The following PHC2 variants were observed in gnomAD, a reference collection of about 807,000 sequenced individuals.
PHC2 encodes the protein polyhomeotic homolog 2.
A neutral mutation model predicts 87.4 loss-of-function variants in PHC2; 29 were observed. The ratio of observed to expected loss-of-function variants is 0.33; its 90% CI spans 0.25 to 0.45. The LOEUF (loss-of-function observed/expected upper bound fraction) is 0.45. PHC2 is among the 20% of genes least tolerant of loss of function. PHC2 has a pLI of 1.00. For missense variants in PHC2, 857 were observed against 1,136.7 expected (o/e 0.75, Z 3.54); for synonymous variants, 438 against 461.7 (o/e 0.95, Z 0.66).
intron 7 of PHC2, chr1:33,358,851 G>A (rs1391226567): frequency 1.3e-5 from 2 of 152,154 alleles, no homozygotes; most frequent in African/African-American, 4.8e-5. Context: ...CCATTCTCTG[G>A]TCTTTACAGC....
intron 1 of PHC2, among the ~76,000 whole-genome samples, chr1:33,392,366 C>G (rs1435088196): frequency 6.6e-6 from 1 of 152,006 alleles, no homozygotes; most frequent in African/African-American, 2.4e-5. Flanking sequence ...CTTTTTTTTT[C>G]TGTTATGCCT....
chr1:33,424,120 A>C (rs1650572630), intron 1 of PHC2, among the ~76,000 whole-genome samples: 2 of 147,896 alleles, frequency 1.4e-5, no homozygotes, highest in South Asian at 2.1e-4. Flanking sequence ...AACAAAAAAA[A>C]CAAAAAACAA....
In PHC2 at chr1:33,369,500, C is replaced by T. The variant is rs970675098; in HGVS notation, c.577-878G>A. Among the ~76,000 whole-genome samples the T allele has an allele frequency of 4.6e-5, 7 of 152,178 alleles. No homozygotes were observed. The highest frequency in any genetic ancestry group is 4.6e-4 in the Admixed American group (7 of 15,284). On this transcript the variant is annotated intron_variant, in intron 5 of 14. Coordinates refer to ENST00000683057, the MANE Select transcript of PHC2 (RefSeq NM_001385109.1). This position sits in a 1 kb window ranked among gnomAD's most constrained non-coding sequence, Gnocchi z 4.7. ...GCATCACAGTGTGGCTGTCCAGTTC[C>T]CGAGGAGATGGAAGTCTATTTCATG... is the stretch of plus-strand genomic sequence containing the variant.
intron 1 of PHC2, among the ~76,000 whole-genome samples, chr1:33,413,729 T>C (rs1271835310): frequency 2.0e-5 from 3 of 152,362 alleles, no homozygotes; most frequent in Non-Finnish European, 2.9e-5. Flanking sequence ...TCAGTAAAAC[T>C]GGCCTATATA....
chr1:33,422,246 C>A (rs1019994172), intron 1 of PHC2, among the ~76,000 whole-genome samples: 3 of 149,120 alleles, frequency 2.0e-5, no homozygotes, highest in Non-Finnish European at 4.4e-5. Flanking sequence ...AAGTACAATA[C>A]CATAATTAAT....
chr1:33,348,433 A>C (rs559608187), intron 9 of PHC2, among the ~76,000 whole-genome samples: 1 of 152,358 alleles, frequency 6.6e-6, no homozygotes, highest in South Asian at 2.1e-4. Flanking sequence ...GGTGAATGAT[A>C]ATTGGATTAC....
rs779004256 is a variant in PHC2 at position 33,370,553 on chromosome 1, C to G, written c.444G>C (p.Gln148His). 1.9e-6 allele frequency: 3 copies of G among 1,613,678 alleles called. 1 individual carries two copies. The South Asian group carries it at 3.3e-5, about 18-fold the overall frequency. Residue 148 changes from glutamine (Q) to histidine (H), a missense_variant, in exon 5 of 15, where the codon CAG (glutamine) becomes CAC (histidine). Transcript: ENST00000683057. ...INLAASPAAA[Q>H]LLNRAQSVNS... Reference sequence around the variant, plus strand: ...TCACACTCTGGGCCCGGTTGAGGAGCTGGGCTGCTGCTGGGGAGGCTGCCA... The same window carrying G: ...TCACACTCTGGGCCCGGTTGAGGAGGTGGGCTGCTGCTGGGGAGGCTGCCA...
rs1272109716 is a variant in PHC2 at position 33,364,518 on chromosome 1, G to C, written c.976+2598C>G. ...GAGGCCAGAAGTCACCTCTGCCCAG[G>C]GAACTGTATAGCCCAAGACAGGTGC... On this transcript the variant is annotated intron_variant, in intron 7 of 14. Transcript: ENST00000683057. This position sits in a 1 kb window ranked among gnomAD's most constrained non-coding sequence, Gnocchi z 4.1. 6.6e-6 allele frequency among the ~76,000 whole-genome samples: 1 copy of C among 152,118 alleles called. No homozygotes were observed. Among genetic ancestry groups the C allele is most frequent in the Non-Finnish European group, 1.5e-5 (1 of 68,016 alleles).
chr1:33,349,896 A>AT lies in PHC2; in HGVS notation c.1558+4504dup. ...GAGGGCTGCAGCCGCCGCGGAGACAATGCGGCGAGTCTGGGACGGCTCCCG... is the reference window on the plus strand; with the variant it reads ...GAGGGCTGCAGCCGCCGCGGAGACAATTGCGGCGAGTCTGGGACGGCTCCCG... On this transcript the variant is annotated intron_variant, in intron 9 of 14. Coordinates refer to ENST00000683057, the MANE Select transcript of PHC2 (RefSeq NM_001385109.1). This position sits in a 1 kb window ranked among gnomAD's most constrained non-coding sequence, Gnocchi z 4.2. 1.0e-6 allele frequency: 1 copy of AT among 968,552 alleles called. No individual in the cohort carries two copies. Among genetic ancestry groups the AT allele is most frequent in the Non-Finnish European group, 1.2e-6 (1 of 820,502 alleles). 60.0% of individuals were successfully genotyped at this position (968,552 alleles called of 1,614,324 possible).
intron 7 of PHC2, among the ~76,000 whole-genome samples, chr1:33,366,851 G>A (rs1184186607): frequency 6.6e-6 from 1 of 152,180 alleles, no homozygotes; most frequent in East Asian, 1.9e-4. Context: ...CCACCGCTGT[G>A]GCTGCGTACC....
chr1:33,371,261 C>T (rs937663689), intron 3 of PHC2, among the ~76,000 whole-genome samples, 167 bp from the exon 4 acceptor site: 2 of 152,188 alleles, frequency 1.3e-5, no homozygotes, highest in Non-Finnish European at 2.9e-5. Context: ...CCCGCCTCCT[C>T]TGTGAATAGG....
chr1:33,422,789 G>C (rs144693883), intron 1 of PHC2, among the ~76,000 whole-genome samples: 5 of 151,872 alleles, frequency 3.3e-5, no homozygotes, highest in African/African-American at 4.8e-5. Flanking sequence ...AACTTCCTTG[G>C]TAATTTAAGA....
chr1:33,374,899 G>A (rs919251414), intron 2 of PHC2, among the ~76,000 whole-genome samples: 1 of 152,220 alleles, frequency 6.6e-6, no homozygotes, highest in Non-Finnish European at 1.5e-5. Flanking sequence ...GCATGGCCCT[G>A]ACTGCATTTA....
At chr1:33,342,164 A>T (rs1646756394) in intron 9 of PHC2, among the ~76,000 whole-genome samples, 1 of 152,198 alleles carries the variant, frequency 6.6e-6, no homozygotes, top group African/African-American at 2.4e-5. Flanking sequence ...GGCCAGCAGG[A>T]TGAAGGAGAG....
chr1:33,372,733 G>T (rs115433118), intron 2 of PHC2, among the ~76,000 whole-genome samples: 1 of 152,206 alleles, frequency 6.6e-6, no homozygotes, highest in Non-Finnish European at 1.5e-5. Context: ...AATCAGAGCC[G>T]CACGCCAGTG....
At chr1:33,346,872 T>G in intron 9 of PHC2, 1 of 985,402 alleles carries the variant, frequency 1.0e-6, no homozygotes, top group Non-Finnish European at 1.2e-6. Context: ...AGCACACCAG[T>G]AGGGGTTCCT....
rs376159510 is a variant in PHC2 at position 33,330,127 on chromosome 1, G to A, written c.2092C>T (p.Arg698Cys). Residue 698 changes from arginine (R) to cysteine (C), a missense_variant, in exon 13 of 15, where the codon CGC becomes TGC. Coordinates refer to ENST00000683057, the MANE Select transcript of PHC2 (RefSeq NM_001385109.1). ...AGACTGGCTTTGCTGGCCCGACGGC[G>A]GTTGTGGGTCGCAGCTCCTGCCTTC... ...LQKAGAATHN[R>C]RRASKASLPP... 8 of 1,614,088 alleles carry A rather than the reference G, an allele frequency of 5.0e-6. No homozygotes were observed. Among genetic ancestry groups the A allele is most frequent in the African/African-American group, 2.7e-5 (2 of 74,934 alleles).
intron 1 of PHC2, among the ~76,000 whole-genome samples, chr1:33,387,451 C>T (rs1037084206): frequency 6.6e-6 from 1 of 152,172 alleles, no homozygotes; most frequent in African/African-American, 2.4e-5. Flanking sequence ...GGGGTGTCTC[C>T]CATCACAAGG....
chr1:33,416,085 G>T (rs1003546289), intron 1 of PHC2, among the ~76,000 whole-genome samples: 1 of 151,700 alleles, frequency 6.6e-6, no homozygotes, highest in Non-Finnish European at 1.5e-5. Flanking sequence ...GGGGAGGAAG[G>T]GAACATAAAA....
Sources: allele counts gnomAD v4.1 joint callset (sites outside exome capture counted in the v4.1 genomes callset), GRCh38; gene constraint gnomAD v4.1.1; non-coding constraint Gnocchi (gnomAD v3.1); transcripts MANE v1.5; gene names NCBI Gene and HGNC (gene_info 2026-07-23, HGNC 2026-07-21).